FAT4: variants seen among roughly 807,000 people sequenced by gnomAD.
FAT4 encodes the protein FAT atypical cadherin 4, also known as protocadherin Fat 4.
Under a neutral mutation model 303.9 loss-of-function variants are expected in FAT4, and 84 were observed. The ratio of observed to expected loss-of-function variants is 0.28; its 90% CI spans 0.23 to 0.33. The LOEUF (loss-of-function observed/expected upper bound fraction) is 0.33, where lower values mean the gene tolerates loss of function less well. Ranked by LOEUF, FAT4 falls within the 10% of genes least tolerant of loss-of-function variation. The probability of loss-of-function intolerance (pLI) is 1.00; values close to 1 mark genes in which losing one functional copy is unlikely to be tolerated. For missense variants in FAT4, 6,005 were observed against 6,146.8 expected (o/e 0.98, Z 0.77); for synonymous variants, 2,307 against 2,298.8 (o/e 1.00, Z -0.10).
rs1266371174 is a variant in FAT4 at position 125,481,655 on chromosome 4, A to C, written c.12739A>C (p.Ser4247Arg). 5 of 1,613,968 alleles carry C rather than the reference A, an allele frequency of 3.1e-6. No homozygotes were observed. The Admixed American group carries it at 8.3e-5, about 27-fold the overall frequency. Residue 4247 changes from serine to arginine, a missense_variant, in exon 16 of 18, where the codon AGT (serine) becomes CGT (arginine). Ser to Arg is a moderately radical substitution (Grantham distance 110, BLOSUM62 -1). Coordinates refer to ENST00000394329, the MANE Select transcript of FAT4 (RefSeq NM_001291303.3). The stretch of plus-strand genomic sequence containing the variant: ...CATGTTGGAGCCTTTTGGTGTGAAC[A>C]GTCTGGAAGTAAAATTTAGGACCAG... ...GAMLEPFGVNSLEVKFRTRSE... is the reference protein window; with the variant it reads ...GAMLEPFGVNRLEVKFRTRSE...
In FAT4 at chr4:125,354,260, T is replaced by C. The variant is rs149809104; in HGVS notation, c.5175+32674T>C. On this transcript the variant is annotated intron_variant, in intron 2 of 17. Transcript: ENST00000394329. ...TCGCTGGTGTTAAATTAATATAAAG[T>C]TTTAATATAAGGGATTTTTATTAAT... is the stretch of plus-strand genomic sequence containing the variant. Among the ~76,000 whole-genome samples, 54 of 151,814 alleles carry C rather than the reference T, an allele frequency of 3.6e-4. No homozygotes were observed. The East Asian group carries it at 0.01, about 29-fold the overall frequency.
intron 2 of FAT4, among the ~76,000 whole-genome samples, chr4:125,385,095 C>T (rs1450427003): frequency 4.1e-5 from 6 of 147,738 alleles, no homozygotes; most frequent in African/African-American, 1.5e-4. Flanking sequence ...GATCTCCACT[C>T]ACTGCAACCT....
intron 2 of FAT4, among the ~76,000 whole-genome samples, chr4:125,324,471 G>A (rs201941718): frequency 6.6e-6 from 1 of 152,102 alleles, no homozygotes; most frequent in East Asian, 1.9e-4. Flanking sequence ...TTTATAACTT[G>A]GGAATAAATC....
intron 2 of FAT4, among the ~76,000 whole-genome samples, chr4:125,371,148 CAAAAAAA>C (rs1197394937): frequency 0.012 from 1,139 of 97,988 alleles, 23 homozygotes; most frequent in African/African-American, 0.044. Flanking sequence ...AACTCCATCT[CAAAAAAA>C]AAAAAAAAAA....
chr4:125,470,683 G>A (rs1726827800), intron 12 of FAT4, among the ~76,000 whole-genome samples: 1 of 152,214 alleles, frequency 6.6e-6, no homozygotes. Flanking sequence ...ATGGAAGAGA[G>A]TTAGTGCCTT....
chr4:125,365,954 A>C (rs994780850), intron 2 of FAT4, among the ~76,000 whole-genome samples: 18 of 151,894 alleles, frequency 1.2e-4, no homozygotes, highest in African/African-American at 4.4e-4. Flanking sequence ...GAGCATTACC[A>C]CCTGAGCTCT....
chr4:125,336,706 C>CT (rs1425238700), intron 2 of FAT4, among the ~76,000 whole-genome samples: 1 of 151,750 alleles, frequency 6.6e-6, no homozygotes, highest in African/African-American at 2.4e-5. Flanking sequence ...TCTGGTTGTG[C>CT]TTTTTTGAGT....
In FAT4 at chr4:125,491,771, T is replaced by C; in HGVS notation, c.*3T>C. On this transcript the variant is annotated 3_prime_UTR_variant, in exon 18 of 18. Coordinates refer to ENST00000394329, the MANE Select transcript of FAT4 (RefSeq NM_001291303.3). ...GGGAAGCAGAACAGTATGTGTGAAG[T>C]TTATGTACTGGCACTATAAAATATA... The C allele has an allele frequency of 1.3e-6, 2 of 1,598,472 alleles. No homozygotes were observed. Among genetic ancestry groups the C allele is most frequent in the African/African-American group, 2.7e-5 (2 of 73,982 alleles).
chr4:125,473,765 T>G (rs12506486), intron 12 of FAT4, among the ~76,000 whole-genome samples: 114,595 of 151,900 alleles, frequency 0.75, 43,353 homozygotes, highest in East Asian at 0.85. Flanking sequence ...GGACATGGGA[T>G]CAAGAGGTGA....
At chr4:125,321,801 T>G in intron 2 of FAT4, among the ~76,000 whole-genome samples, 1 of 152,214 alleles carries the variant, frequency 6.6e-6, no homozygotes, top group East Asian at 1.9e-4. Context: ...CTTTTCACTT[T>G]ATATTTTACT....
chr4:125,333,165 C>T (rs1206074012), intron 2 of FAT4, among the ~76,000 whole-genome samples: 1 of 151,696 alleles, frequency 6.6e-6, no homozygotes, highest in Admixed American at 6.6e-5. Context: ...ATTTAGGTAA[C>T]TCATTGAGTT....
chr4:125,433,126 C>G (rs1725337740), intron 7 of FAT4, among the ~76,000 whole-genome samples: 1 of 152,136 alleles, frequency 6.6e-6, no homozygotes, highest in Non-Finnish European at 1.5e-5. Context: ...ACCAGCAAAT[C>G]ACTTGACTAT....
intron 2 of FAT4, among the ~76,000 whole-genome samples, chr4:125,371,790 A>C (rs1235612355): frequency 1.3e-5 from 2 of 152,022 alleles, no homozygotes; most frequent in Non-Finnish European, 2.9e-5. Context: ...AAAACTGAAC[A>C]AAGTGATGTA....
chr4:125,376,887 A>AAAAT (rs1262483602), intron 2 of FAT4, among the ~76,000 whole-genome samples: 4 of 152,164 alleles, frequency 2.6e-5, no homozygotes, highest in African/African-American at 7.2e-5. Flanking sequence ...CTCTATCTCA[A>AAAAT]AAATAAATAA....
At chr4:125,394,997 A>G (rs1219031235) in intron 2 of FAT4, among the ~76,000 whole-genome samples, 1 of 152,202 alleles carries the variant, frequency 6.6e-6, no homozygotes, top group Non-Finnish European at 1.5e-5. Flanking sequence ...AAAATATTCA[A>G]TGAATAAATG....
chr4:125,468,615 A>C lies in FAT4; in HGVS notation c.12009A>C (p.Lys4003Asn). The change falls in exon 12 of 18, where the codon AAA (lysine) becomes AAC (asparagine). Residue 4003 changes from lysine (K) to asparagine (N), a missense_variant. Physicochemically the swap from Lys to Asn is moderately conservative, Grantham distance 94. Transcript: ENST00000394329. ...LDPNNNYIYV[K>N]FATIKSHALL... ...CCAATAACAACTATATTTATGTCAA[A>C]TTTGCCACGATTAAAAGTCATGCCT... 1 of 1,614,126 alleles carries C rather than the reference A, an allele frequency of 6.2e-7. No homozygotes were observed. The highest frequency in any genetic ancestry group is 8.5e-7 in the Non-Finnish European group (1 of 1,180,000).
rs1413709740 is a variant in FAT4, at chr4:125,364,679, C to T, written c.5176-34105C>T. On this transcript the variant is annotated intron_variant, in intron 2 of 17. Transcript: ENST00000394329. ...ATGCATAAATGCCATGAGCTGGAAA[C>T]GCATACAACTCTGTATAACTGAAGG... is the stretch of plus-strand genomic sequence containing the variant. 4.0e-5 allele frequency among the ~76,000 whole-genome samples: 6 copies of T among 151,880 alleles called. No individual in the cohort carries two copies. The South Asian group carries it at 6.2e-4, about 16-fold the overall frequency.
At chr4:125,426,175 C>T (rs1237862130) in intron 7 of FAT4, among the ~76,000 whole-genome samples, 2 of 152,122 alleles carry the variant, frequency 1.3e-5, no homozygotes, top group Admixed American at 6.5e-5. Context: ...TGTAATATGA[C>T]ATTTTACATC....
Position 125,416,861 on chromosome 4 carries a change from G to A in FAT4, c.7018+239G>A, listed in dbSNP as rs528479798. Among the ~76,000 whole-genome samples, 8 of 152,118 alleles carry A rather than the reference G, an allele frequency of 5.3e-5. 1 individual carries two copies. The highest frequency in any genetic ancestry group is 2.0e-4 in the Admixed American group (3 of 15,278). On this transcript the variant is annotated intron_variant, in intron 7 of 17. Coordinates refer to ENST00000394329, the MANE Select transcript of FAT4 (RefSeq NM_001291303.3). ...CTCAGAAGGCTGAGGCAGGAGAATC[G>A]CTTGAAACCAGGAGGCGGAGGTTGC... is the stretch of plus-strand genomic sequence containing the variant.
Sources: gnomAD v4.1 joint callset for allele counts (sites outside exome capture counted in the v4.1 genomes callset) on GRCh38, gnomAD v4.1.1 for gene constraint, MANE v1.5 for transcripts, NCBI Gene and HGNC (gene_info 2026-07-23, HGNC 2026-07-21) for gene names.